The following PCDH9 variants were observed in gnomAD, a reference collection of about 807,000 sequenced individuals.
PCDH9 encodes protocadherin 9.
PCDH9 carries 24 observed loss-of-function variants against 70.6 expected under a neutral mutation model. The ratio of observed to expected loss-of-function variants is 0.34; its 90% CI spans 0.25 to 0.48. PCDH9 has a LOEUF of 0.48. Among genes scored for constraint, PCDH9 ranks in the 20% least tolerant of loss-of-function variants. The probability of loss-of-function intolerance (pLI) is 0.99; values close to 1 mark genes in which losing one functional copy is unlikely to be tolerated. For synonymous variants in PCDH9, 562 were observed against 558.5 expected (o/e 1.01, Z -0.09); for missense variants, 1,281 against 1,503.6 (o/e 0.85, Z 2.45).
chr13:66,783,096 T>C (rs890925227), intron 3 of PCDH9, among the ~76,000 whole-genome samples: 5 of 152,170 alleles, frequency 3.3e-5, no homozygotes, highest in Admixed American at 6.6e-5. Context: ...CTTCTCTGCA[T>C]GCTACTTCGT....
chr13:66,456,832 A>C (rs1266138312), intron 4 of PCDH9, among the ~76,000 whole-genome samples: 2 of 151,740 alleles, frequency 1.3e-5, no homozygotes, highest in South Asian at 2.1e-4. Context: ...TGATTAGACC[A>C]AAAAAAATAA....
intron 4 of PCDH9, among the ~76,000 whole-genome samples, chr13:66,584,026 G>A (rs905200099): frequency 6.6e-6 from 1 of 152,154 alleles, no homozygotes; most frequent in Non-Finnish European, 1.5e-5. Context: ...CGCCTCACAA[G>A]TAAGATTACA....
chr13:67,083,128 A>C (rs998400875), intron 2 of PCDH9, among the ~76,000 whole-genome samples: 3 of 152,166 alleles, frequency 2.0e-5, no homozygotes, highest in African/African-American at 7.2e-5. Context: ...CCGTATAAAA[A>C]GTATAGTTAA....
intron 2 of PCDH9, among the ~76,000 whole-genome samples, chr13:67,134,459 G>A (rs1032526939): frequency 2.6e-5 from 4 of 152,050 alleles, no homozygotes; most frequent in Admixed American, 2.6e-4. Flanking sequence ...AGAATGACTA[G>A]CCCTGCTGTT....
chr13:66,585,500 A>AT (rs958082568), intron 4 of PCDH9, among the ~76,000 whole-genome samples: 18 of 152,092 alleles, frequency 1.2e-4, no homozygotes, highest in Non-Finnish European at 2.2e-4. Flanking sequence ...TTATCAATCT[A>AT]TTTTTTTAAA....
intron 3 of PCDH9, among the ~76,000 whole-genome samples, chr13:66,864,065 T>G (rs1179657322): frequency 6.6e-6 from 1 of 152,114 alleles, no homozygotes; most frequent in Non-Finnish European, 1.5e-5. Context: ...TTGTGCGAAC[T>G]CATTACCTAT....
chr13:66,428,197 A>G (rs1175944475), intron 4 of PCDH9, among the ~76,000 whole-genome samples: 1 of 151,720 alleles, frequency 6.6e-6, no homozygotes, highest in Non-Finnish European at 1.5e-5. Flanking sequence ...ATCTTTTTTT[A>G]AACACCTGAC....
intron 2 of PCDH9, among the ~76,000 whole-genome samples, chr13:67,019,188 C>CTTTTTTTTT (rs60154161): frequency 1.9e-5 from 2 of 102,728 alleles, no homozygotes; most frequent in Non-Finnish European, 3.6e-5. Context: ...GGCAGTTGCT[C>CTTTTTTTTT]TTTTTTTTTT....
chr13:66,310,259 C>G (rs1955540132), intron 4 of PCDH9, among the ~76,000 whole-genome samples: 1 of 151,944 alleles, frequency 6.6e-6, no homozygotes, highest in African/African-American at 2.4e-5. Flanking sequence ...TATATCAGGT[C>G]TCAAAATTCA....
chr13:66,895,923 G>A (rs112669938), intron 3 of PCDH9, among the ~76,000 whole-genome samples: 2 of 152,160 alleles, frequency 1.3e-5, no homozygotes, highest in Non-Finnish European at 2.9e-5. Flanking sequence ...CAGCTGTCAG[G>A]CTGAATGGTA....
At chr13:66,730,211 CTTT>C (rs1221026709) in intron 3 of PCDH9, among the ~76,000 whole-genome samples, 1 of 151,940 alleles carries the variant, frequency 6.6e-6, no homozygotes, top group Non-Finnish European at 1.5e-5. Flanking sequence ...TCTTTTTCTT[CTTT>C]TATTTCCACT....
intron 4 of PCDH9, among the ~76,000 whole-genome samples, chr13:66,563,524 T>C (rs1237033745): frequency 6.6e-6 from 1 of 152,168 alleles, no homozygotes; most frequent in Non-Finnish European, 1.5e-5. Flanking sequence ...GGCTTCTCCT[T>C]ATGCTTAAAA....
intron 3 of PCDH9, among the ~76,000 whole-genome samples, chr13:66,718,672 A>G (rs2078902470): frequency 6.6e-6 from 1 of 152,210 alleles, no homozygotes; most frequent in African/African-American, 2.4e-5. Flanking sequence ...ATTATAAGCA[A>G]TTTTCGAGGG....
intron 4 of PCDH9, among the ~76,000 whole-genome samples, chr13:66,488,643 A>T (rs1014508128): frequency 1.3e-5 from 2 of 152,228 alleles, no homozygotes; most frequent in Non-Finnish European, 2.9e-5. Context: ...AATAATATGT[A>T]TTAGTAGAAG....
At chr13:66,357,617 A>T (rs2138186217) in intron 4 of PCDH9, among the ~76,000 whole-genome samples, 1 of 152,188 alleles carries the variant, frequency 6.6e-6, no homozygotes, top group South Asian at 2.1e-4. Flanking sequence ...TAAAATTCTT[A>T]GTTGCTTAAT....
At chr13:67,050,357 C>A (rs182756801) in intron 2 of PCDH9, among the ~76,000 whole-genome samples, 1 of 152,216 alleles carries the variant, frequency 6.6e-6, no homozygotes, top group Non-Finnish European at 1.5e-5. Flanking sequence ...GGTGATCCCA[C>A]CTACTCAGTT....
intron 2 of PCDH9, among the ~76,000 whole-genome samples, chr13:66,903,972 G>A (rs2082318043): frequency 6.6e-6 from 1 of 151,892 alleles, no homozygotes; most frequent in Non-Finnish European, 1.5e-5. Context: ...ATATTAGCCT[G>A]TGACATGGAT....
intron 4 of PCDH9, among the ~76,000 whole-genome samples, chr13:66,497,406 C>T (rs1282437385): frequency 1.3e-5 from 2 of 152,102 alleles, no homozygotes; most frequent in East Asian, 1.9e-4. Context: ...AAATTATCTA[C>T]ATTTTATAGG....
At chr13:66,941,512 G>T (rs78546150) in intron 2 of PCDH9, among the ~76,000 whole-genome samples, 2 of 151,602 alleles carry the variant, frequency 1.3e-5, no homozygotes, top group Admixed American at 1.3e-4. Context: ...TATAGAAAAC[G>T]TACATTAAAT....
Sources: gnomAD v4.1 joint callset for allele counts (sites outside exome capture counted in the v4.1 genomes callset) on GRCh38, gnomAD v4.1.1 for gene constraint, MANE v1.5 for transcripts, NCBI Gene and HGNC (gene_info 2026-07-23, HGNC 2026-07-21) for gene names.